The following AGTR1 variants were observed in gnomAD, a reference collection of about 807,000 sequenced individuals.
AGTR1 encodes the protein angiotensin II receptor type 1.
AGTR1 carries 16 observed loss-of-function variants against 19.4 expected under a neutral mutation model. The ratio of observed to expected loss-of-function variants is 0.82; its 90% CI spans 0.56 to 1.25. The LOEUF (loss-of-function observed/expected upper bound fraction) is 1.25, where lower values mean the gene tolerates loss of function less well. Ranked by LOEUF, AGTR1 falls within the 50% of genes most tolerant of loss-of-function variation. AGTR1 has a pLI of 0.00. For missense variants in AGTR1, 373 were observed against 431.9 expected, an observed-to-expected ratio of 0.86 and a Z score of 1.21; for synonymous variants, 153 against 154.9, an observed-to-expected ratio of 0.99 and a Z score of 0.09.
rs113571883 is a variant in AGTR1, at chr3:148,739,680, C to T, written c.-47-1309C>T. On this transcript the variant is annotated intron_variant, in intron 2 of 2. Coordinates refer to ENST00000349243, the MANE Select transcript of AGTR1 (RefSeq NM_000685.5). ...TACTGGAGTTGTATCCCTTGCACAG[C>T]ATCCCTTTGCACCAAAGTGAACACT... The T allele has an allele frequency of 9.3e-4, 868 of 930,750 alleles. 4 individuals are homozygous for T. The African/African-American group carries it at 0.014, about 15-fold the overall frequency. 57.7% of individuals were successfully genotyped at this position (930,750 alleles called of 1,614,324 possible). A position where few individuals can be genotyped will look rare whatever the true frequency, so the allele number is the denominator to read the frequency against.
In AGTR1 at chr3:148,717,249, A is replaced by G. The variant is rs1394557146; in HGVS notation, c.-48+9222A>G. Among the ~76,000 whole-genome samples, 5 of 152,316 alleles carry G rather than the reference A, an allele frequency of 3.3e-5. No homozygotes were observed. In the East Asian group the frequency reaches 9.6e-4, roughly 29 times the overall value. ...TATTAATTGGACACTTACTGGTGTC[A>G]GGCACTGTGTCATGCACTGTGTCAG... On this transcript the variant is annotated intron_variant, in intron 2 of 2. Coordinates refer to ENST00000349243, the MANE Select transcript of AGTR1 (RefSeq NM_000685.5).
intron 1 of AGTR1, among the ~76,000 whole-genome samples, chr3:148,700,879 G>C (rs895548537): frequency 1.3e-5 from 2 of 152,136 alleles, no homozygotes; most frequent in Non-Finnish European, 2.9e-5. Context: ...AATTGCCTAA[G>C]ATCATTGGAT....
intron 2 of AGTR1, among the ~76,000 whole-genome samples, chr3:148,732,230 T>G (rs12721289): frequency 6.6e-6 from 1 of 152,220 alleles, no homozygotes; most frequent in Non-Finnish European, 1.5e-5. Flanking sequence ...ACTCTTTGAC[T>G]TGGTAGTGTC....
chr3:148,729,211 C>T (rs758470437), intron 2 of AGTR1, among the ~76,000 whole-genome samples: 1 of 152,038 alleles, frequency 6.6e-6, no homozygotes, highest in Non-Finnish European at 1.5e-5. Flanking sequence ...GGAGAACTTG[C>T]GATGGCAAAG....
chr3:148,721,123 AG>A, intron 2 of AGTR1, among the ~76,000 whole-genome samples: 1 of 152,268 alleles, frequency 6.6e-6, no homozygotes, highest in East Asian at 1.9e-4. Context: ...AATTGGCTAG[AG>A]GGCAACAAAG....
Position 148,717,918 on chromosome 3 carries a change from G to A in AGTR1, c.-48+9891G>A, listed in dbSNP as rs183497531. 3.9e-3 allele frequency among the ~76,000 whole-genome samples: 589 copies of A among 152,220 alleles called. 7 individuals carry two copies. The highest frequency in any genetic ancestry group is 6.1e-3 in the Non-Finnish European group (412 of 68,012). On this transcript the variant is annotated intron_variant, in intron 2 of 2. Coordinates refer to ENST00000349243, the MANE Select transcript of AGTR1 (RefSeq NM_000685.5). ...CTTTGAGATCTATATAAAACACTAGGCAATTTGCCTGCAAATACATAGAAA... is the reference window on the plus strand; with the variant it reads ...CTTTGAGATCTATATAAAACACTAGACAATTTGCCTGCAAATACATAGAAA...
intron 2 of AGTR1, among the ~76,000 whole-genome samples, chr3:148,738,402 T>C (rs987168131): frequency 4.6e-5 from 7 of 151,914 alleles, no homozygotes; most frequent in African/African-American, 1.2e-4. Flanking sequence ...CTCTACTAGA[T>C]GGTTAAAAGG....
intron 2 of AGTR1, among the ~76,000 whole-genome samples, chr3:148,733,456 C>A (rs1324933132): frequency 6.6e-6 from 1 of 152,148 alleles, no homozygotes. Flanking sequence ...TTTCCTCACA[C>A]CCCTTAAAAT....
At chr3:148,725,014 A>AAAATGTTAT (rs1270092592) in intron 2 of AGTR1, among the ~76,000 whole-genome samples, 2 of 152,216 alleles carry the variant, frequency 1.3e-5, no homozygotes, top group Admixed American at 6.5e-5. Context: ...AGTAATACCA[A>AAAATGTTAT]AAATGTTATT....
At chr3:148,735,236 T>C (rs767849315) in intron 2 of AGTR1, among the ~76,000 whole-genome samples, 1 of 152,060 alleles carries the variant, frequency 6.6e-6, no homozygotes, top group Admixed American at 6.6e-5. Flanking sequence ...AGTTTCAGAG[T>C]GGTATAGTTA....
chr3:148,725,437 TATA>T (rs1713872924), intron 2 of AGTR1, among the ~76,000 whole-genome samples: 1 of 152,242 alleles, frequency 6.6e-6, no homozygotes, highest in Non-Finnish European at 1.5e-5. Context: ...ATTGGCCATA[TATA>T]ATAATGCAAC....
intron 2 of AGTR1, among the ~76,000 whole-genome samples, chr3:148,713,985 G>A (rs1576527639): frequency 6.6e-6 from 1 of 152,118 alleles, no homozygotes; most frequent in Non-Finnish European, 1.5e-5. Context: ...GAACAGTTAT[G>A]AGGTAACTTA....
At chr3:148,712,795 T>C (rs1713068393) in intron 2 of AGTR1, among the ~76,000 whole-genome samples, 1 of 152,186 alleles carries the variant, frequency 6.6e-6, no homozygotes, top group Non-Finnish European at 1.5e-5. Flanking sequence ...TCAGCCGTAT[T>C]TTATTCAACA....
chr3:148,731,705 T>C (rs867448590), intron 2 of AGTR1, among the ~76,000 whole-genome samples: 6 of 152,254 alleles, frequency 3.9e-5, no homozygotes, highest in African/African-American at 1.4e-4. Flanking sequence ...AATTGCCATG[T>C]AAGATTGTGT....
intron 2 of AGTR1, among the ~76,000 whole-genome samples, chr3:148,732,608 T>C (rs971023264): frequency 5.3e-5 from 8 of 152,138 alleles, no homozygotes; most frequent in African/African-American, 1.9e-4. Context: ...ATAGCATTAA[T>C]CAACTGCCTT....
chr3:148,712,446 ACTT>A (rs1713045191), intron 2 of AGTR1, among the ~76,000 whole-genome samples: 2 of 152,084 alleles, frequency 1.3e-5, no homozygotes, highest in South Asian at 4.1e-4. Context: ...AGGCCAAAAT[ACTT>A]CTGCACACAG....
At chr3:148,720,695 G>C (rs1018355545) in intron 2 of AGTR1, among the ~76,000 whole-genome samples, 1 of 139,998 alleles carries the variant, frequency 7.1e-6, no homozygotes, top group African/African-American at 3.1e-5. Context: ...AAAGCCATAG[G>C]ATTTTATTAT....
intron 2 of AGTR1, among the ~76,000 whole-genome samples, chr3:148,721,505 A>C (rs1559927184): frequency 6.6e-6 from 1 of 152,196 alleles, no homozygotes; most frequent in African/African-American, 2.4e-5. Context: ...GGACATACAT[A>C]TGAAACAATG....
intron 2 of AGTR1, among the ~76,000 whole-genome samples, chr3:148,728,952 A>G (rs1020073244): frequency 6.6e-6 from 1 of 152,214 alleles, no homozygotes; most frequent in Non-Finnish European, 1.5e-5. Flanking sequence ...TCTATTTCCT[A>G]CTGCGGGGTT....
Sources: gnomAD v4.1 joint callset for allele counts (sites outside exome capture counted in the v4.1 genomes callset) on GRCh38, gnomAD v4.1.1 for gene constraint, MANE v1.5 for transcripts, NCBI Gene and HGNC (gene_info 2026-07-23, HGNC 2026-07-21) for gene names.